The following NELL1 variants were observed in gnomAD, a reference collection of about 807,000 sequenced individuals.
NELL1 encodes the protein neural EGFL like 1.
NELL1 carries 76 observed loss-of-function variants against 107.4 expected under a neutral mutation model. That is an observed-to-expected ratio of 0.71 (90% CI 0.59 to 0.86). The LOEUF (loss-of-function observed/expected upper bound fraction) is 0.86. Ranked by LOEUF, NELL1 falls within the 40% of genes least tolerant of loss-of-function variation. NELL1 has a pLI of 0.00. For synonymous variants in NELL1, 353 were observed against 341.2 expected (o/e 1.03, Z -0.38); for missense variants, 1,024 against 1,005.5 (o/e 1.02, Z -0.25).
At chr11:21,034,617 T>C (rs1242753333) in intron 12 of NELL1, among the ~76,000 whole-genome samples, 1 of 152,146 alleles carries the variant, frequency 6.6e-6, no homozygotes, top group Non-Finnish European at 1.5e-5. Flanking sequence ...TACAGTTACA[T>C]GGAAATTTAA....
intron 14 of NELL1, among the ~76,000 whole-genome samples, chr11:21,264,180 A>G (rs531819240): frequency 6.6e-6 from 1 of 151,836 alleles, no homozygotes; most frequent in African/African-American, 2.4e-5. Context: ...ATATAAAAGC[A>G]CAGGAGAAGA....
chr11:20,774,195 T>C, intron 2 of NELL1, among the ~76,000 whole-genome samples: 1 of 85,782 alleles, frequency 1.2e-5, no homozygotes, highest in Admixed American at 1.3e-4. Flanking sequence ...TCCCCTCCCA[T>C]CCAGTCCACT....
At chr11:20,755,054 T>G (rs1470248093) in intron 2 of NELL1, among the ~76,000 whole-genome samples, 1 of 152,184 alleles carries the variant, frequency 6.6e-6, no homozygotes, top group Admixed American at 6.5e-5. Context: ...GCCACATACA[T>G]GTACATATCT....
chr11:21,549,725 G>T (rs1856530359), intron 16 of NELL1, among the ~76,000 whole-genome samples: 1 of 151,800 alleles, frequency 6.6e-6, no homozygotes. Context: ...ACCCTGAGTG[G>T]CATTAAAGAT....
At chr11:21,133,500 A>C (rs909896010) in intron 13 of NELL1, among the ~76,000 whole-genome samples, 1 of 151,994 alleles carries the variant, frequency 6.6e-6, no homozygotes, top group Non-Finnish European at 1.5e-5. Context: ...GGGTGCCTGC[A>C]GGCCCCCACC....
intron 13 of NELL1, among the ~76,000 whole-genome samples, chr11:21,228,423 C>A (rs1857949347): frequency 6.6e-6 from 1 of 152,064 alleles, no homozygotes; most frequent in Admixed American, 6.6e-5. Context: ...AGATTCTGAA[C>A]CCTATGAAAG....
chr11:21,575,185 G>C lies in NELL1; in HGVS notation c.*163G>C. 1.6e-6 allele frequency: 1 copy of C among 635,686 alleles called. No homozygotes were observed. The highest frequency in any genetic ancestry group is 2.8e-6 in the Non-Finnish European group (1 of 356,962). 39.4% of individuals were successfully genotyped at this position (635,686 alleles called of 1,614,324 possible). A position where few individuals can be genotyped will look rare whatever the true frequency, so the allele number is the denominator to read the frequency against. ...GACGGTGTTTGGAGGTTGCCTTTTG[G>C]ACCTACCACTTTGCTCATTCTTGCT... On this transcript the variant is annotated 3_prime_UTR_variant, in exon 20 of 20. Transcript: ENST00000357134.
intron 12 of NELL1, among the ~76,000 whole-genome samples, chr11:21,051,393 G>GGA (rs1473582672): frequency 1.3e-5 from 2 of 152,064 alleles, no homozygotes; most frequent in African/African-American, 4.8e-5. Flanking sequence ...AGAAATGGTG[G>GGA]GAGGGGGCTC....
intron 2 of NELL1, among the ~76,000 whole-genome samples, chr11:20,723,917 C>T (rs1386166577): frequency 6.6e-6 from 1 of 152,242 alleles, no homozygotes; most frequent in African/African-American, 2.4e-5. Context: ...CCCAACACCA[C>T]ATGGAAACTG....
At chr11:21,214,498 T>G (rs928258828) in intron 13 of NELL1, among the ~76,000 whole-genome samples, 3 of 152,158 alleles carry the variant, frequency 2.0e-5, no homozygotes, top group Admixed American at 6.6e-5. Flanking sequence ...GCATTATTTC[T>G]ATACACCCAT....
At chr11:21,401,029 A>G (rs979907600) in intron 15 of NELL1, among the ~76,000 whole-genome samples, 1 of 151,940 alleles carries the variant, frequency 6.6e-6, no homozygotes, top group African/African-American at 2.4e-5. Flanking sequence ...TGAATGTCAC[A>G]GAGCTATAGA....
At chr11:21,337,827 T>TCTTG (rs1555006196) in intron 14 of NELL1, among the ~76,000 whole-genome samples, 4,301 of 105,388 alleles carry the variant, frequency 0.041, 204 homozygotes, top group Non-Finnish European at 0.053. Flanking sequence ...CTTCTTTCTT[T>TCTTG]CTTTCTTTCT....
Position 20,838,905 on chromosome 11 carries a change from A to T in NELL1, c.336-8678A>T, listed in dbSNP as rs201520774. 4.9e-4 allele frequency among the ~76,000 whole-genome samples: 74 copies of T among 152,294 alleles called. No individual in the cohort carries two copies. The East Asian group carries it at 9.3e-3, about 19-fold the overall frequency. ...CTTAATTTTGAGTTCCTGGAGATCC[A>T]AAGTTATACCTTAGTCTTAAGATGC... On this transcript the variant is annotated intron_variant, in intron 3 of 19. Transcript: ENST00000357134.
chr11:21,427,087 G>A (rs574868148), intron 15 of NELL1, among the ~76,000 whole-genome samples: 1 of 152,146 alleles, frequency 6.6e-6, no homozygotes, highest in Non-Finnish European at 1.5e-5. Context: ...GGCAGTAGGG[G>A]CAGCAGGTGG....
chr11:21,068,719 A>C (rs879776332), intron 12 of NELL1, among the ~76,000 whole-genome samples: 1 of 152,204 alleles, frequency 6.6e-6, no homozygotes, highest in Non-Finnish European at 1.5e-5. Flanking sequence ...GATTAGATTC[A>C]GGATCCCAAG....
intron 15 of NELL1, among the ~76,000 whole-genome samples, chr11:21,484,137 A>AT (rs1854568228): frequency 6.7e-6 from 1 of 149,548 alleles, no homozygotes; most frequent in Non-Finnish European, 1.5e-5. Context: ...CCCATGCTAT[A>AT]TTTTTTTGTA....
chr11:21,495,847 C>T (rs767052341), intron 15 of NELL1, among the ~76,000 whole-genome samples: 15 of 151,964 alleles, frequency 9.9e-5, no homozygotes, highest in African/African-American at 2.7e-4. Context: ...ACATTAAAAA[C>T]GGGTTGTCTC....
At chr11:21,557,215 A>T (rs1400164452) in intron 16 of NELL1, among the ~76,000 whole-genome samples, 1 of 152,042 alleles carries the variant, frequency 6.6e-6, no homozygotes, top group Admixed American at 6.6e-5. Flanking sequence ...AAGTAAAGCA[A>T]TTACATGGAA....
chr11:21,176,628 A>G (rs534330025), intron 13 of NELL1, among the ~76,000 whole-genome samples: 1 of 151,972 alleles, frequency 6.6e-6, no homozygotes, highest in African/African-American at 2.4e-5. Flanking sequence ...TAAGGGAAAA[A>G]CTGAAGGATT....
Sources: gnomAD v4.1 joint callset for allele counts (sites outside exome capture counted in the v4.1 genomes callset) on GRCh38, gnomAD v4.1.1 for gene constraint, MANE v1.5 for transcripts, NCBI Gene and HGNC (gene_info 2026-07-23, HGNC 2026-07-21) for gene names.